The following INPP5D variants were observed in gnomAD, a reference collection of about 807,000 sequenced individuals.
INPP5D encodes inositol polyphosphate-5-phosphatase D, also known as phosphatidylinositol 3,4,5-trisphosphate 5-phosphatase 1.
Under a neutral mutation model 122.9 loss-of-function variants are expected in INPP5D, and 33 were observed. The observed-to-expected ratio is 0.27, with a 90% CI of 0.20 to 0.36. The LOEUF (loss-of-function observed/expected upper bound fraction) is 0.36, where lower values mean the gene tolerates loss of function less well. Ranked by LOEUF, INPP5D falls within the 10% of genes least tolerant of loss-of-function variation. The pLI is 1.00. For synonymous variants in INPP5D, 584 were observed against 576.2 expected (o/e 1.01, Z -0.19); for missense variants, 1,053 against 1,412.7 (o/e 0.75, Z 4.08).
chr2:233,203,906 C>A (rs1157791326), intron 25 of INPP5D, among the ~76,000 whole-genome samples: 5 of 152,240 alleles, frequency 3.3e-5, no homozygotes, highest in Middle Eastern at 3.4e-3. Context: ...ATGACCGCAC[C>A]ACTGCACTCC....
chr2:233,170,538 G>A lies in INPP5D; in HGVS notation c.1834G>A (p.Ala612Thr), dbSNP rs754601445. ...CCAGAAAATCAAGCAGCAGCAGTAC[G>A]CAGACCTCCTGTCCCACGACCAGCT... The part of the protein sequence containing the change: ...IIQKIKQQQY[A>T]DLLSHDQLLT... Residue 612 changes from alanine to threonine, a missense_variant, in exon 16 of 27, where the codon GCA becomes ACA. Transcript: ENST00000445964. The surrounding 1 kb of genome is among the most constrained non-coding windows in gnomAD (Gnocchi z 4.5). The A allele has an allele frequency of 1.7e-5, 27 of 1,613,544 alleles. No homozygotes were observed. In the East Asian group the frequency reaches 2.5e-4, roughly 15 times the overall value.
At chr2:233,181,555 C>T (rs941617444) in intron 18 of INPP5D, among the ~76,000 whole-genome samples, 54 of 152,188 alleles carry the variant, frequency 3.5e-4, no homozygotes, top group Admixed American at 3.1e-3. Flanking sequence ...GCATCTCCAA[C>T]GGGCTATCTT....
At chr2:233,147,728 G>T in intron 9 of INPP5D, 134 bp downstream of exon 9, 2 of 530,960 alleles carry the variant, frequency 3.8e-6, no homozygotes, top group South Asian at 2.1e-5. Flanking sequence ...TCATGCTTTT[G>T]TGTGTGTGTG....
chr2:233,204,642 C>A lies in INPP5D; in HGVS notation c.3492C>A (p.Asn1164Lys). ...CCAAGGGCCGCGACTACCGCGACAACACCGAGCTCCCGCATCACGGCAAGC... is the reference window on the plus strand; with the variant it reads ...CCAAGGGCCGCGACTACCGCGACAAAACCGAGCTCCCGCATCACGGCAAGC... ...QHSKGRDYRD[N>K]TELPHHGKHR... The change falls in exon 26 of 27, where the codon AAC (asparagine) becomes AAA (lysine). Residue 1164 changes from asparagine (N) to lysine (K), a missense_variant. This residue lies in a region of INPP5D where 417 missense variants were observed against 425.8 expected (regional missense o/e 0.98). Coordinates refer to ENST00000445964, the MANE Select transcript of INPP5D (RefSeq NM_001017915.3). 1 of 1,584,244 alleles carries A rather than the reference C, an allele frequency of 6.3e-7. No individual in the cohort carries two copies. Among genetic ancestry groups the A allele is most frequent in the Non-Finnish European group, 8.6e-7 (1 of 1,166,558 alleles).
intron 9 of INPP5D, among the ~76,000 whole-genome samples, chr2:233,153,120 C>A (rs1693963819): frequency 6.6e-6 from 1 of 152,216 alleles, no homozygotes; most frequent in Non-Finnish European, 1.5e-5. Context: ...TGTTATTTCA[C>A]TGGGCGTGGG....
At chr2:233,114,871 C>CTT (rs538448378) in intron 2 of INPP5D, among the ~76,000 whole-genome samples, 4 of 144,924 alleles carry the variant, frequency 2.8e-5, no homozygotes, top group Admixed American at 6.9e-5. Flanking sequence ...TTTGTTTCCA[C>CTT]TTTTTTTTTT....
rs1266013267 is a variant in INPP5D, at chr2:233,177,948, T to C, written c.2071+602T>C. Among the ~76,000 whole-genome samples the C allele has an allele frequency of 6.6e-6, 1 of 152,188 alleles. No individual in the cohort carries two copies. The highest frequency in any genetic ancestry group is 1.5e-5 in the Non-Finnish European group (1 of 68,034). ...ATTAAGTGTGAACCATATGAAAGTG[T>C]TTTTGTAGGTCAGAAATAGTTATTG... is the stretch of plus-strand genomic sequence containing the variant. On this transcript the variant is annotated intron_variant, in intron 18 of 26. Transcript: ENST00000445964. The surrounding 1 kb of genome is among the most constrained non-coding windows in gnomAD (Gnocchi z 4.2).
intron 2 of INPP5D, among the ~76,000 whole-genome samples, chr2:233,104,006 C>CTTTTT (rs5839471): frequency 2.4e-5 from 2 of 81,830 alleles, no homozygotes; most frequent in Non-Finnish European, 4.4e-5. Context: ...TGTGCCCTGC[C>CTTTTT]TTTTTTTTTT....
intron 17 of INPP5D, among the ~76,000 whole-genome samples, chr2:233,175,294 G>A (rs183097933): frequency 9.1e-4 from 137 of 150,502 alleles, no homozygotes; most frequent in African/African-American, 3.2e-3. Flanking sequence ...ACAACCCTAT[G>A]TCCATTAACA....
chr2:233,194,433 G>A (rs865952829), intron 23 of INPP5D, among the ~76,000 whole-genome samples: 17 of 149,584 alleles, frequency 1.1e-4, no homozygotes, highest in Admixed American at 8.0e-4. Flanking sequence ...GCCCTCGTAC[G>A]TACCTAAACC....
At chr2:233,191,071 C>CT (rs1695044521) in intron 22 of INPP5D, among the ~76,000 whole-genome samples, 1 of 152,174 alleles carries the variant, frequency 6.6e-6, no homozygotes, top group African/African-American at 2.4e-5. Context: ...TCTCATGTTG[C>CT]TGTAAGGACA....
At chr2:233,172,711 C>G (rs982834417) in intron 17 of INPP5D, among the ~76,000 whole-genome samples, 4 of 152,120 alleles carry the variant, frequency 2.6e-5, no homozygotes, top group African/African-American at 7.2e-5. Context: ...TTCCGAGAAG[C>G]GTGTCATTAG....
chr2:233,162,867 A>T (rs1342270426), intron 11 of INPP5D, among the ~76,000 whole-genome samples: 1 of 152,148 alleles, frequency 6.6e-6, no homozygotes, highest in Non-Finnish European at 1.5e-5. Flanking sequence ...CTAATAAGAG[A>T]CAATAGTCTG....
intron 23 of INPP5D, among the ~76,000 whole-genome samples, chr2:233,194,212 C>T (rs538592627): frequency 9.9e-5 from 15 of 152,224 alleles, no homozygotes; most frequent in Non-Finnish European, 1.8e-4. Context: ...CCGAACCTCA[C>T]CTGTCAGCCT....
chr2:233,158,488 T>C (rs1429419066), intron 10 of INPP5D, 69 bp downstream of exon 10: 2 of 655,474 alleles, frequency 3.1e-6, no homozygotes, highest in Admixed American at 2.3e-5. Flanking sequence ...TGAGGCTCGC[T>C]GTGTGCCAGG....
At chr2:233,110,519 C>A (rs1692594507) in intron 2 of INPP5D, among the ~76,000 whole-genome samples, 1 of 152,150 alleles carries the variant, frequency 6.6e-6, no homozygotes, top group Admixed American at 6.5e-5. Flanking sequence ...TCTCTAACCT[C>A]CCCCTGCTTT....
chr2:233,185,985 C>T (rs780843247), intron 21 of INPP5D, 60 bp downstream of exon 21: 8 of 1,492,432 alleles, frequency 5.4e-6, no homozygotes, highest in Non-Finnish European at 6.3e-6. Context: ...CCAGTAGTAC[C>T]AGCCAGTGGC....
intron 22 of INPP5D, among the ~76,000 whole-genome samples, chr2:233,190,988 G>A (rs184240968): frequency 1.8e-4 from 27 of 152,290 alleles, no homozygotes; most frequent in Admixed American, 9.2e-4. Flanking sequence ...GGAGAGAAGC[G>A]GATGACATTG....
rs553122321 is a variant in INPP5D, at chr2:233,160,929, C to T, written c.1138-795C>T. Among the ~76,000 whole-genome samples, 3 of 152,016 alleles carry T rather than the reference C, an allele frequency of 2.0e-5. No individual in the cohort carries two copies. The highest frequency in any genetic ancestry group is 1.3e-4 in the Admixed American group (2 of 15,254). On this transcript the variant is annotated intron_variant, in intron 10 of 26. Coordinates refer to ENST00000445964, the MANE Select transcript of INPP5D (RefSeq NM_001017915.3). This position sits in a 1 kb window ranked among gnomAD's most constrained non-coding sequence, Gnocchi z 4.2. Reference sequence around the variant, plus strand: ...GGATTACAGGCATGAGCCACTGTGCCAGGCCCAAATGTTTTATTAAAAATG... The same window carrying T: ...GGATTACAGGCATGAGCCACTGTGCTAGGCCCAAATGTTTTATTAAAAATG...
Sources: gnomAD v4.1 joint callset for allele counts (sites outside exome capture counted in the v4.1 genomes callset) on GRCh38, gnomAD v4.1.1 for gene constraint, gnomAD v4.1.1 regional missense constraint, Gnocchi (gnomAD v3.1) non-coding constraint, MANE v1.5 for transcripts, NCBI Gene and HGNC (gene_info 2026-07-23, HGNC 2026-07-21) for gene names.